The following RCN1 variants were observed in gnomAD, a reference collection of about 807,000 sequenced individuals.
RCN1 encodes the protein reticulocalbin 1.
A neutral mutation model predicts 34.7 loss-of-function variants in RCN1; 14 were observed. The ratio of observed to expected loss-of-function variants is 0.40; its 90% CI spans 0.27 to 0.63. The LOEUF (loss-of-function observed/expected upper bound fraction) is 0.63, where lower values mean the gene tolerates loss of function less well. Ranked by LOEUF, RCN1 falls within the 30% of genes least tolerant of loss-of-function variation. RCN1 has a pLI of 0.37. For missense variants in RCN1, 326 were observed against 425.1 expected (o/e 0.77, Z 2.05); for synonymous variants, 125 against 165.5 (o/e 0.76, Z 1.88).
chr11:32,104,301 C>A, intron 5 of RCN1, 64 bp from the exon 6 acceptor site: 1 of 939,774 alleles, frequency 1.1e-6, no homozygotes, highest in Non-Finnish European at 1.7e-6. Flanking sequence ...ATGACATGAA[C>A]ATCATACAGA....
chr11:32,099,437 T>C (rs545679794), intron 3 of RCN1, among the ~76,000 whole-genome samples: 1 of 152,174 alleles, frequency 6.6e-6, no homozygotes, highest in Non-Finnish European at 1.5e-5. Flanking sequence ...ATTGGATTGT[T>C]AAAACTGTAT....
At position 32,098,378 on chromosome 11, in the gene RCN1, A is replaced by G; in HGVS notation, c.477A>G (p.Ser159=). The G allele has an allele frequency of 6.2e-7, 1 of 1,613,160 alleles. No individual in the cohort carries two copies. The highest frequency in any genetic ancestry group is 8.5e-7 in the Non-Finnish European group (1 of 1,179,748). Residue 159 remains serine, a synonymous_variant, in exon 3 of 6, where the codon TCA becomes TCG. Transcript: ENST00000054950. ...ACCCCGCAGAGTTTCATGATTCTTC[A>G]GATCATCACACCTTTAAAAAGATGC... ...LGNPAEFHDS[S]DHHTFKKMLP... is the part of the protein sequence containing the mutation.
chr11:32,103,278 T>C lies in RCN1; in HGVS notation c.689-3T>C. ...TGTAACCAACAATAACCTTCCCTTC[T>C]AGCGGATATGTTTTCCCATGAGGAG... On this transcript the variant is annotated splice_polypyrimidine_tract_variant and splice_region_variant and intron_variant, in intron 4 of 5. Coordinates refer to ENST00000054950, the MANE Select transcript of RCN1 (RefSeq NM_002901.4). The C allele has an allele frequency of 6.2e-7, 1 of 1,613,858 alleles. No individual in the cohort carries two copies.
In RCN1 at chr11:32,103,375, C is replaced by T. The variant is rs766313272; in HGVS notation, c.783C>T (p.Asp261=). The change falls in exon 5 of 6, where the codon GAC becomes GAT. Residue 261 remains aspartate, a synonymous_variant. Coordinates refer to ENST00000054950, the MANE Select transcript of RCN1 (RefSeq NM_002901.4). ...QFNEFRDLNK[D]GKLDKDEIRH... ...ACGAATTCCGGGATCTGAACAAGGA[C>T]GGGAAGTTAGACAAAGATGAGATTC... 9.9e-6 allele frequency: 16 copies of T among 1,613,066 alleles called. No individual in the cohort carries two copies. The highest frequency in any genetic ancestry group is 6.7e-5 in the East Asian group (3 of 44,892).
At chr11:32,100,075 T>C (rs561404480) in intron 3 of RCN1, among the ~76,000 whole-genome samples, 1 of 152,328 alleles carries the variant, frequency 6.6e-6, no homozygotes, top group East Asian at 1.9e-4. Flanking sequence ...GCACAATACA[T>C]CAAAAAGTCA....
Position 32,091,093 on chromosome 11 carries a change from G to C in RCN1, c.-104G>C. On this transcript the variant is annotated 5_prime_UTR_variant, in exon 1 of 6. Coordinates refer to ENST00000054950, the MANE Select transcript of RCN1 (RefSeq NM_002901.4). ...CTGGCCAGTCCCCTCCTCCGCGCCG[G>C]CCCCAACCCTGTCGCTGCCGCCGCG... The C allele has an allele frequency of 7.7e-7, 1 of 1,306,378 alleles. No homozygotes were observed. The highest frequency in any genetic ancestry group is 9.9e-7 in the Non-Finnish European group (1 of 1,015,070). 80.9% of individuals were successfully genotyped at this position (1,306,378 alleles called of 1,614,324 possible). A position where few individuals can be genotyped will look rare whatever the true frequency, so the allele number is the denominator to read the frequency against.
intron 4 of RCN1, chr11:32,102,244 T>G (rs941152690): frequency 7.1e-6 from 1 of 141,594 alleles, no homozygotes; most frequent in Non-Finnish European, 1.5e-5. Flanking sequence ...GCTTCAAACC[T>G]CAGCTTCCTC....
intron 1 of RCN1, among the ~76,000 whole-genome samples, chr11:32,092,477 A>G (rs766823053): frequency 6.6e-6 from 1 of 151,918 alleles, no homozygotes; most frequent in Admixed American, 6.6e-5. Context: ...TTCTTTGGCA[A>G]CTGATTTGTT....
intron 4 of RCN1, chr11:32,102,200 A>T (rs1338916020): frequency 2.6e-5 from 4 of 152,066 alleles, no homozygotes; most frequent in African/African-American, 9.7e-5. Context: ...ACCTTCACCA[A>T]TTAGCTGTGT....
chr11:32,095,653 C>T (rs1460169619), intron 1 of RCN1, among the ~76,000 whole-genome samples: 1 of 152,176 alleles, frequency 6.6e-6, no homozygotes, highest in Non-Finnish European at 1.5e-5. Context: ...CATGATCCAC[C>T]TGCCTCGGCC....
intron 1 of RCN1, chr11:32,091,664 C>G: frequency 1.8e-6 from 1 of 559,718 alleles, no homozygotes; most frequent in Non-Finnish European, 2.9e-6. Context: ...GCGCCCCGGC[C>G]GGGGTGGTTT....
intron 1 of RCN1, among the ~76,000 whole-genome samples, chr11:32,093,144 T>G (rs1392847019): frequency 6.6e-6 from 1 of 152,076 alleles, no homozygotes; most frequent in African/African-American, 2.4e-5. Flanking sequence ...TTGGAAAACT[T>G]TATAAGGTGT....
At position 32,097,119 on chromosome 11, in the gene RCN1, CTTTTTT is replaced by C. The variant is rs374577571; in HGVS notation, c.255-15_255-10del. 3.1e-6 allele frequency: 4 copies of C among 1,305,890 alleles called. No homozygotes were observed. The highest frequency in any genetic ancestry group is 1.0e-6 in the Non-Finnish European group (1 of 1,004,668). The allele number at this position is 1,305,890 out of a possible 1,614,324, so 80.9% of individuals were successfully genotyped here. A position where few individuals can be genotyped will look rare whatever the true frequency, so the allele number is the denominator to read the frequency against. ...CAGCCTTGTGCCTGTGTGTGGGTTT[CTTTTTT>C]TTTTTTTTTGTACTGCAGGAAGATT... On this transcript the variant is annotated intron_variant, in intron 1 of 5. Transcript: ENST00000054950.
chr11:32,091,243 T>A lies in RCN1; in HGVS notation c.47T>A (p.Leu16Gln). 1 of 1,531,284 alleles carries A rather than the reference T, an allele frequency of 6.5e-7. No homozygotes were observed. Among genetic ancestry groups the A allele is most frequent in the East Asian group, 2.5e-5 (1 of 39,570 alleles). The allele number at this position is 1,531,284 out of a possible 1,614,324, so 94.9% of individuals were successfully genotyped here. ...RGRRLGLALG[L>Q]LLALVLAPRV... ...CGCCGCCTGGGGTTAGCCCTGGGGC[T>A]GCTGCTGGCGCTGGTGCTGGCGCCG... The change falls in exon 1 of 6, where the codon CTG (leucine) becomes CAG (glutamine). Residue 16 changes from leucine (L) to glutamine (Q), a missense_variant. Physicochemically the swap from Leu to Gln is moderately radical, Grantham distance 113. Transcript: ENST00000054950.
rs761689447 is a variant in RCN1, at chr11:32,091,191, G to C, written c.-6G>C. 5.6e-6 allele frequency: 8 copies of C among 1,425,774 alleles called. No homozygotes were observed. Among genetic ancestry groups the C allele is most frequent in the South Asian group, 4.7e-5 (3 of 64,458 alleles). The allele number at this position is 1,425,774 out of a possible 1,614,324, so 88.3% of individuals were successfully genotyped here. A position where few individuals can be genotyped will look rare whatever the true frequency, so the allele number is the denominator to read the frequency against. ...TCTCCCTCTCGGCCGCCCTCTCCTC[G>C]GGACGATGGCGCGCGGTGGCCGCGG... On this transcript the variant is annotated 5_prime_UTR_variant, in exon 1 of 6. Transcript: ENST00000054950.
At chr11:32,104,079 G>A (rs1852079530) in intron 5 of RCN1, among the ~76,000 whole-genome samples, 1 of 152,170 alleles carries the variant, frequency 6.6e-6, no homozygotes, top group South Asian at 2.1e-4. Context: ...CATTCTTGAG[G>A]GCCTATTTTG....
At chr11:32,099,436 T>C (rs1852010885) in intron 3 of RCN1, among the ~76,000 whole-genome samples, 1 of 152,212 alleles carries the variant, frequency 6.6e-6, no homozygotes, top group Non-Finnish European at 1.5e-5. Flanking sequence ...AATTGGATTG[T>C]TAAAACTGTA....
chr11:32,101,849 G>C (rs1030399708), intron 4 of RCN1: 17 of 152,224 alleles, frequency 1.1e-4, no homozygotes, highest in African/African-American at 4.1e-4. Context: ...GAGACTGACA[G>C]CAAAGACTGC....
chr11:32,092,394 A>ACGCAGTTTC (rs1282819547), intron 1 of RCN1, among the ~76,000 whole-genome samples: 4 of 152,238 alleles, frequency 2.6e-5, no homozygotes, highest in African/African-American at 9.6e-5. Context: ...GATTGGAAAC[A>ACGCAGTTTC]CGAGGGAGCA....
Sources: allele counts gnomAD v4.1 joint callset (sites outside exome capture counted in the v4.1 genomes callset), GRCh38; gene constraint gnomAD v4.1.1; transcripts MANE v1.5; gene names NCBI Gene and HGNC (gene_info 2026-07-23, HGNC 2026-07-21).